The following TMC3 variants were observed in gnomAD, a reference collection of about 807,000 sequenced individuals.
The protein encoded by TMC3 is transmembrane channel-like protein 3.
A neutral mutation model predicts 110.6 loss-of-function variants in TMC3; 98 were observed. That is an observed-to-expected ratio of 0.89 (90% CI 0.75 to 1.05). The LOEUF (loss-of-function observed/expected upper bound fraction) is 1.05. TMC3 is among the 50% of genes least tolerant of loss of function. The probability of loss-of-function intolerance (pLI) is 0.00; values close to 1 mark genes in which losing one functional copy is unlikely to be tolerated. For synonymous variants in TMC3, 489 were observed against 513.1 expected (o/e 0.95, Z 0.63); for missense variants, 1,319 against 1,373.2 (o/e 0.96, Z 0.62).
rs1329710491 is a variant in TMC3, at chr15:81,337,876, G to T, written c.2130C>A (p.Ser710Arg). Residue 710 changes from serine to arginine, a missense_variant, in exon 19 of 22, where the codon AGC becomes AGA. Physicochemically the swap from Ser to Arg is moderately radical, Grantham distance 110. Coordinates refer to ENST00000359440, the MANE Select transcript of TMC3 (RefSeq NM_001080532.3). ...GGATCTGCATTTTGAGCTGGTGGTT[G>T]CTGAGCTTTAGAGACCGTGCGATGC... Reference protein sequence around the residue: ...LQSIARSLKLSNHQLKMQIQN... With the variant: ...LQSIARSLKLRNHQLKMQIQN... 2 of 1,614,006 alleles carry T rather than the reference G, an allele frequency of 1.2e-6. No homozygotes were observed. The highest frequency in any genetic ancestry group is 1.1e-5 in the South Asian group (1 of 91,086).
At chr15:81,369,336 C>G (rs1330957162) in intron 2 of TMC3, among the ~76,000 whole-genome samples, 2 of 152,068 alleles carry the variant, frequency 1.3e-5, no homozygotes, top group African/African-American at 4.8e-5. Flanking sequence ...ATCTCTCTTC[C>G]TACCATTGCA....
At chr15:81,353,248 C>CAA (rs150915224) in intron 9 of TMC3, among the ~76,000 whole-genome samples, 23,391 of 151,460 alleles carry the variant, frequency 0.15, 3,406 homozygotes, top group African/African-American at 0.39. Context: ...TTAAGTATTA[C>CAA]AAGAGTCAAA....
chr15:81,342,506 A>G (rs1468764198), intron 15 of TMC3, among the ~76,000 whole-genome samples: 1 of 152,202 alleles, frequency 6.6e-6, no homozygotes, highest in Non-Finnish European at 1.5e-5. Context: ...TATTAAATAA[A>G]TGTCACCTAT....
chr15:81,360,041 G>T (rs1451848735), intron 4 of TMC3, among the ~76,000 whole-genome samples: 6 of 151,956 alleles, frequency 3.9e-5, no homozygotes, highest in Middle Eastern at 3.4e-3. Context: ...GAGCATAGAA[G>T]AACTCAGATG....
In TMC3 at chr15:81,345,016, GGAGAGAGAGA is replaced by G; in HGVS notation, c.1273-15_1273-6del. The G allele has an allele frequency of 1.4e-6, 2 of 1,392,144 alleles. No homozygotes were observed. The highest frequency in any genetic ancestry group is 2.0e-6 in the Non-Finnish European group (2 of 1,021,852). The allele number at this position is 1,392,144 out of a possible 1,614,324, so 86.2% of individuals were successfully genotyped here. A position where few individuals can be genotyped will look rare whatever the true frequency, so the allele number is the denominator to read the frequency against. On this transcript the variant is annotated splice_region_variant and splice_polypyrimidine_tract_variant and intron_variant, in intron 12 of 21. Transcript: ENST00000359440. ...GTTATTTTTGGTAGCCATTTCCTGG[GGAGAGAGAGA>G]GAGAGAGAGAGGGAAGCAGGGGAGA...
At chr15:81,347,122 G>A (rs552775999) in intron 11 of TMC3, among the ~76,000 whole-genome samples, 9 of 151,848 alleles carry the variant, frequency 5.9e-5, no homozygotes, top group Non-Finnish European at 1.3e-4. Context: ...ACACATCATG[G>A]AATTTCCCAG....
intron 6 of TMC3, 42 bp downstream of exon 6, chr15:81,358,360 C>A (rs775820112): frequency 4.4e-6 from 7 of 1,602,120 alleles, no homozygotes; most frequent in Non-Finnish European, 6.0e-6. Context: ...GCCCATTCAC[C>A]CCTTCCCTCA....
intron 3 of TMC3, among the ~76,000 whole-genome samples, chr15:81,366,421 G>T (rs897100190): frequency 2.0e-5 from 3 of 152,150 alleles, no homozygotes; most frequent in Non-Finnish European, 4.4e-5. Flanking sequence ...AGAGAGGAGC[G>T]AGATAAAAAT....
At chr15:81,356,947 A>C (rs1567067190) in intron 7 of TMC3, among the ~76,000 whole-genome samples, 1 of 152,142 alleles carries the variant, frequency 6.6e-6, no homozygotes, top group Non-Finnish European at 1.5e-5. Context: ...TTTCCTTTGA[A>C]TCAGTCTTCT....
intron 17 of TMC3, 49 bp from the exon 18 acceptor site, chr15:81,338,829 AG>A: frequency 6.2e-7 from 1 of 1,602,566 alleles, no homozygotes; most frequent in South Asian, 1.1e-5. Context: ...CTTGGCAGAA[AG>A]ATGCTGCAAG....
At chr15:81,367,291 A>G (rs192550703) in intron 3 of TMC3, among the ~76,000 whole-genome samples, 4 of 150,362 alleles carry the variant, frequency 2.7e-5, no homozygotes, top group Non-Finnish European at 3.0e-5. Flanking sequence ...ATATAGCAAC[A>G]TGGAAAAAAT....
At chr15:81,343,514 G>A (rs986146518) in intron 14 of TMC3, among the ~76,000 whole-genome samples, 169 bp from the exon 15 acceptor site, 1 of 152,202 alleles carries the variant, frequency 6.6e-6, no homozygotes, top group Non-Finnish European at 1.5e-5. Flanking sequence ...GTGGGGCTGG[G>A]CATTGTAGCT....
intron 4 of TMC3, 28 bp from the exon 5 acceptor site, chr15:81,359,499 G>A: frequency 6.9e-7 from 1 of 1,454,518 alleles, no homozygotes; most frequent in Non-Finnish European, 9.3e-7. Flanking sequence ...AATGAGAACA[G>A]TTTAAATAAA....
intron 18 of TMC3, 104 bp from the exon 19 acceptor site, chr15:81,338,028 C>A: frequency 2.3e-6 from 2 of 887,696 alleles, no homozygotes; most frequent in South Asian, 1.4e-5. Flanking sequence ...GGCTCCCAGG[C>A]CAGATGCGGG....
chr15:81,355,579 G>T (rs149269621), intron 9 of TMC3, 146 bp downstream of exon 9: 17 of 632,174 alleles, frequency 2.7e-5, no homozygotes, highest in African/African-American at 2.7e-4. Context: ...AAATCATTCA[G>T]TTCCCTCAGA....
intron 7 of TMC3, among the ~76,000 whole-genome samples, chr15:81,357,533 G>T (rs907155655): frequency 2.6e-4 from 40 of 152,134 alleles, no homozygotes; most frequent in African/African-American, 9.4e-4. Context: ...TACAGATGAG[G>T]CTCAGGGAAG....
chr15:81,331,813 A>G lies in TMC3; in HGVS notation c.*606T>C, dbSNP rs1214714576. On this transcript the variant is annotated 3_prime_UTR_variant, in exon 22 of 22. Coordinates refer to ENST00000359440, the MANE Select transcript of TMC3 (RefSeq NM_001080532.3). ...GGAAGAACCTCGAGTGAGCGCGTGC[A>G]CAACTCCAGTAAACACACTGCGCAT... The G allele has an allele frequency of 2.6e-5, 4 of 152,072 alleles. No individual in the cohort carries two copies. Among genetic ancestry groups the G allele is most frequent in the Non-Finnish European group, 4.4e-5 (3 of 68,108 alleles). The allele number at this position is 152,072 out of a possible 1,614,324, so 9.4% of individuals were successfully genotyped here.
chr15:81,353,099 GGTGTGTGCCA>G (rs1893986383), intron 9 of TMC3, among the ~76,000 whole-genome samples: 1 of 152,128 alleles, frequency 6.6e-6, no homozygotes, highest in Non-Finnish European at 1.5e-5. Context: ...TGGGATTACA[GGTGTGTGCCA>G]CCACATCCGG....
At chr15:81,351,967 C>T in intron 9 of TMC3, 126 bp from the exon 10 acceptor site, 1 of 1,113,618 alleles carries the variant, frequency 9.0e-7, no homozygotes, top group Non-Finnish European at 1.3e-6. Flanking sequence ...CCTGAAGCAT[C>T]AATGCACTTC....
Sources: allele counts gnomAD v4.1 joint callset (sites outside exome capture counted in the v4.1 genomes callset), GRCh38; gene constraint gnomAD v4.1.1; transcripts MANE v1.5; gene names NCBI Gene and HGNC (gene_info 2026-07-23, HGNC 2026-07-21).